The following ADGRG1 variants were observed in gnomAD, a reference collection of about 807,000 sequenced individuals.
The protein encoded by ADGRG1 is 7-transmembrane protein with no EGF-like N-terminal domains-1.
Under a neutral mutation model 73.5 loss-of-function variants are expected in ADGRG1, and 53 were observed. The observed-to-expected ratio is 0.72, with a 90% CI of 0.58 to 0.91. The LOEUF (loss-of-function observed/expected upper bound fraction) is 0.91, where lower values mean the gene tolerates loss of function less well. Among genes scored for constraint, ADGRG1 ranks in the 40% least tolerant of loss-of-function variants. The pLI is 0.00. For missense variants in ADGRG1, 795 were observed against 871.8 expected (o/e 0.91, Z 1.11); for synonymous variants, 394 against 374.4 (o/e 1.05, Z -0.60).
chr16:57,663,401 G>A, intron 13 of ADGRG1, 51 bp from the exon 14 acceptor site: 1 of 1,606,756 alleles, frequency 6.2e-7, no homozygotes, highest in Non-Finnish European at 8.5e-7. Context: ...GAGGAGGAGG[G>A]ATGGGGTGGG....
chr16:57,651,809 T>A (rs1243918052), intron 3 of ADGRG1, 187 bp downstream of exon 3: 1 of 1,477,044 alleles, frequency 6.8e-7, no homozygotes, highest in Non-Finnish European at 9.0e-7. Context: ...ATTACAGGCA[T>A]GAACCACTGC....
rs72461004 is a variant in ADGRG1 at position 57,654,409 on chromosome 16, A to ACC, written c.768+287_768+288dup. ...CCAGCCCCTAAACGCCTGTCCACGC[A>ACC]CCCCCCCCCCCCGTTTTTTTTTTTT... On this transcript the variant is annotated intron_variant, in intron 5 of 13. Transcript: ENST00000562631. Among the ~76,000 whole-genome samples the ACC allele has an allele frequency of 3.3e-3, 149 of 45,050 alleles. 6 individuals carry two copies. Among genetic ancestry groups the ACC allele is most frequent in the Non-Finnish European group, 7.0e-3 (122 of 17,384 alleles). The allele number at this position is 45,050 out of a possible 152,430, so 29.6% of individuals were successfully genotyped here.
chr16:57,660,645 C>T (rs2046862952), intron 11 of ADGRG1, 123 bp from the exon 12 acceptor site: 2 of 1,521,050 alleles, frequency 1.3e-6, no homozygotes, highest in African/African-American at 2.8e-5. Flanking sequence ...CCAGATGGGG[C>T]TGGGTGGGCT....
At chr16:57,632,940 C>A (rs546758546) in intron 1 of ADGRG1, 32 of 985,312 alleles carry the variant, frequency 3.2e-5, no homozygotes, top group Non-Finnish European at 3.9e-5. Flanking sequence ...GGGCCACTTA[C>A]ACCAACTGCA....
chr16:57,619,761 T>C (rs544541556), upstream of ADGRG1: 1 of 152,360 alleles, frequency 6.6e-6, no homozygotes, highest in South Asian at 2.1e-4. Flanking sequence ...AGATCACGGA[T>C]GGAGGGCAGC....
intron 1 of ADGRG1, chr16:57,643,565 TG>T (rs2041401567): frequency 1.0e-5 from 10 of 952,772 alleles, no homozygotes; most frequent in Non-Finnish European, 1.2e-5. Context: ...GTATGGGGGG[TG>T]GGGGGTGTCC....
At chr16:57,650,794 C>T (rs1263525365) in intron 2 of ADGRG1, among the ~76,000 whole-genome samples, 4 of 147,338 alleles carry the variant, frequency 2.7e-5, no homozygotes, top group East Asian at 2.0e-4. Context: ...CTGCAAGCTC[C>T]GCCTCCCGGG....
Position 57,660,256 on chromosome 16 carries a change from C to T in ADGRG1, c.1556-512C>T, listed in dbSNP as rs1434024899. 41 of 985,256 alleles carry T rather than the reference C, an allele frequency of 4.2e-5. No individual in the cohort carries two copies. The South Asian group carries it at 5.6e-4, about 14-fold the overall frequency. The allele number at this position is 985,256 out of a possible 1,614,324, so 61.0% of individuals were successfully genotyped here. On this transcript the variant is annotated intron_variant, in intron 11 of 13. Coordinates refer to ENST00000562631, the MANE Select transcript of ADGRG1 (RefSeq NM_201525.4). ...CCTGACTCCAGCTTGCTGCTCTTCG[C>T]GGGTTTGTCATTGGGCCCCTTCTTT...
At chr16:57,645,394 C>T (rs1176436805) in intron 1 of ADGRG1, 1 of 877,186 alleles carries the variant, frequency 1.1e-6, no homozygotes, top group Non-Finnish European at 1.4e-6. Flanking sequence ...AACCTGATGC[C>T]TGCCCTTCTC....
At chr16:57,622,840 G>A, upstream of ADGRG1, 1 of 985,386 alleles carries the variant, frequency 1.0e-6, no homozygotes, top group Non-Finnish European at 1.2e-6. Context: ...CGCTGGGGAG[G>A]TCAGCAGGCG....
At position 57,629,021 on chromosome 16, in the gene ADGRG1, C is replaced by A. The variant is rs4993022; in HGVS notation, c.-36+219C>A. The A allele has an allele frequency of 0.51, 225,832 of 441,712 alleles. 61,402 individuals carry two copies. Among genetic ancestry groups the A allele is most frequent in the African/African-American group, 0.79 (35,697 of 45,168 alleles). 27.4% of individuals were successfully genotyped at this position (441,712 alleles called of 1,614,324 possible). ...GTGTGAGTGTGAGAGTGTGACTGAG[C>A]GTTTGAGTGTGAGAGTGTGAGTGAG... On this transcript the variant is annotated intron_variant, in intron 1 of 13. Transcript: ENST00000562631.
chr16:57,657,102 G>C (rs1334634827), intron 9 of ADGRG1, among the ~76,000 whole-genome samples: 2 of 152,232 alleles, frequency 1.3e-5, no homozygotes, highest in Non-Finnish European at 2.9e-5. Flanking sequence ...TGTTATAGAA[G>C]AATAATCAAT....
chr16:57,646,543 G>C (rs1423857497), intron 1 of ADGRG1: 1 of 985,332 alleles, frequency 1.0e-6, no homozygotes, highest in Non-Finnish European at 1.2e-6. Context: ...GGTTGTGGGG[G>C]CTTCCTTGGG....
intron 1 of ADGRG1, chr16:57,629,051 TGTGA>T (rs1252763550): frequency 2.4e-4 from 124 of 513,810 alleles, no homozygotes; most frequent in African/African-American, 8.2e-4. Flanking sequence ...AGTGAGTGTG[TGTGA>T]GTATGAGTGT....
chr16:57,658,894 A>G (rs1270796597), intron 10 of ADGRG1: 3 of 944,584 alleles, frequency 3.2e-6, no homozygotes, highest in East Asian at 1.2e-4. Context: ...GGATGGTGAC[A>G]CTGGGGCCTG....
At chr16:57,623,655 G>C, upstream of ADGRG1, 1 of 277,726 alleles carries the variant, frequency 3.6e-6, no homozygotes, top group East Asian at 1.7e-4. Context: ...GGGATGGGCA[G>C]TGGGTGGGGG....
chr16:57,639,494 T>G (rs2147670397), intron 1 of ADGRG1: 1 of 985,400 alleles, frequency 1.0e-6, no homozygotes, highest in African/African-American at 1.7e-5. Flanking sequence ...GAAGCTCCAG[T>G]GAGGGAGCAG....
chr16:57,630,454 T>TA, intron 1 of ADGRG1: 1 of 985,676 alleles, frequency 1.0e-6, no homozygotes, highest in Non-Finnish European at 1.2e-6. Context: ...TCCTCTCGCC[T>TA]CAGGAGCTCA....
At chr16:57,656,327 T>TG (rs2045719188) in intron 8 of ADGRG1, 56 bp downstream of exon 8, 1 of 1,074,944 alleles carries the variant, frequency 9.3e-7, no homozygotes, top group Non-Finnish European at 1.3e-6. Context: ...AATAGAGTCC[T>TG]GGGGGGTGGG....
Sources: gnomAD v4.1 joint callset for allele counts (sites outside exome capture counted in the v4.1 genomes callset) on GRCh38, gnomAD v4.1.1 for gene constraint, MANE v1.5 for transcripts, NCBI Gene and HGNC (gene_info 2026-07-23, HGNC 2026-07-21) for gene names.